Variants in TMEM132B observed in about 807,000 individuals in gnomAD.
The protein encoded by TMEM132B is transmembrane protein 132B.
TMEM132B carries 18 observed loss-of-function variants against 90.8 expected under a neutral mutation model. That is an observed-to-expected ratio of 0.20 (90% CI 0.14 to 0.29). TMEM132B has a LOEUF of 0.29. Among genes scored for constraint, TMEM132B ranks in the 10% least tolerant of loss-of-function variants. The pLI is 1.00. For synonymous variants in TMEM132B, 504 were observed against 523.3 expected, an observed-to-expected ratio of 0.96 and a Z score of 0.50; for missense variants, 1,096 against 1,326.8, an observed-to-expected ratio of 0.83 and a Z score of 2.70.
intron 3 of TMEM132B, among the ~76,000 whole-genome samples, chr12:125,453,448 T>G (rs529812628): frequency 6.6e-6 from 1 of 152,348 alleles, no homozygotes; most frequent in South Asian, 2.1e-4. Context: ...AGCAAGAGCA[T>G]TAATGTACAA....
intron 1 of TMEM132B, among the ~76,000 whole-genome samples, chr12:125,294,445 A>T (rs140082593): frequency 2.2e-4 from 34 of 152,370 alleles, no homozygotes; most frequent in African/African-American, 8.2e-4. Flanking sequence ...AACATTATGC[A>T]TGGAGATGTT....
chr12:125,366,194 G>A (rs1362726945), intron 2 of TMEM132B, among the ~76,000 whole-genome samples: 7 of 152,050 alleles, frequency 4.6e-5, no homozygotes, highest in Non-Finnish European at 2.9e-5. Flanking sequence ...TGCTGCAAAT[G>A]ACAGGATTTG....
chr12:125,412,998 G>A (rs972889500), intron 2 of TMEM132B, among the ~76,000 whole-genome samples: 15 of 152,088 alleles, frequency 9.9e-5, no homozygotes, highest in African/African-American at 2.2e-4. Context: ...TTTTTGGGGC[G>A]TGCAAGAGCA....
At chr12:125,232,714 T>A (rs1873854560) in intron 1 of TMEM132B, among the ~76,000 whole-genome samples, 1 of 152,230 alleles carries the variant, frequency 6.6e-6, no homozygotes, top group Admixed American at 6.5e-5. Flanking sequence ...GCTCTCATGT[T>A]TTTCCTAAGG....
At chr12:125,353,893 C>T (rs1782445599) in intron 2 of TMEM132B, among the ~76,000 whole-genome samples, 1 of 152,134 alleles carries the variant, frequency 6.6e-6, no homozygotes, top group South Asian at 2.1e-4. Flanking sequence ...AGTAGAAACC[C>T]CTCAGGTATT....
intron 3 of TMEM132B, among the ~76,000 whole-genome samples, chr12:125,505,126 A>G (rs1333824806): frequency 2.0e-5 from 3 of 149,210 alleles, no homozygotes; most frequent in South Asian, 4.3e-4. Context: ...ATTACTTGAC[A>G]TAAGAAGGAA....
chr12:125,215,317 G>C (rs900474360), intron 1 of TMEM132B, among the ~76,000 whole-genome samples: 12 of 152,268 alleles, frequency 7.9e-5, no homozygotes, highest in South Asian at 6.2e-4. Context: ...TCAGAAATGG[G>C]TGTCACCCAG....
At chr12:125,334,558 C>A (rs1876892935) in intron 1 of TMEM132B, among the ~76,000 whole-genome samples, 1 of 152,164 alleles carries the variant, frequency 6.6e-6, no homozygotes, top group African/African-American at 2.4e-5. Flanking sequence ...CTTTTTTCTG[C>A]CTTTGAAGCA....
At chr12:125,238,720 A>T (rs115152756) in intron 1 of TMEM132B, among the ~76,000 whole-genome samples, 1 of 151,644 alleles carries the variant, frequency 6.6e-6, no homozygotes. Flanking sequence ...TTTCACCCAC[A>T]TGGGACGTTT....
chr12:125,425,237 G>A (rs1269287089), intron 3 of TMEM132B, among the ~76,000 whole-genome samples: 2 of 152,150 alleles, frequency 1.3e-5, no homozygotes, highest in Admixed American at 6.5e-5. Context: ...TGTTACCACA[G>A]CATAACATAA....
intron 1 of TMEM132B, among the ~76,000 whole-genome samples, chr12:125,323,797 G>A (rs767473233): frequency 7.2e-5 from 11 of 152,132 alleles, no homozygotes; most frequent in Non-Finnish European, 1.0e-4. Flanking sequence ...AGGATTACAG[G>A]CGTGAGCCAC....
chr12:125,527,752 C>A (rs76782160), intron 4 of TMEM132B, among the ~76,000 whole-genome samples: 8,179 of 152,068 alleles, frequency 0.054, 653 homozygotes, highest in African/African-American at 0.17. Context: ...TTCCATCCAC[C>A]AATCCACCTT....
In TMEM132B at chr12:125,497,759, A is replaced by T. The variant is rs116860878; in HGVS notation, c.1107-21680A>T. On this transcript the variant is annotated intron_variant, in intron 3 of 8. Coordinates refer to ENST00000682704, the MANE Select transcript of TMEM132B (RefSeq NM_001366854.1). ...TGTTATTGATCAAGCTAGGAGTTTG[A>T]CTTTGTCTGAAAAACTCATTTATTG... 3.7e-3 allele frequency among the ~76,000 whole-genome samples: 566 copies of T among 152,228 alleles called. 3 individuals carry two copies. The highest frequency in any genetic ancestry group is 5.4e-3 in the Admixed American group (82 of 15,284).
intron 1 of TMEM132B, among the ~76,000 whole-genome samples, chr12:125,217,915 G>A (rs1873473770): frequency 6.6e-6 from 1 of 152,232 alleles, no homozygotes; most frequent in African/African-American, 2.4e-5. Context: ...TTCGTAAGAG[G>A]AGAGATTTGA....
At chr12:125,200,679 G>A (rs137953957) in intron 1 of TMEM132B, among the ~76,000 whole-genome samples, 4 of 152,216 alleles carry the variant, frequency 2.6e-5, no homozygotes, top group Non-Finnish European at 2.9e-5. Flanking sequence ...GTATGATTGC[G>A]TGATGGCAGA....
rs1214248157 is a variant in TMEM132B, at chr12:125,186,787, C to A, written c.-13C>A. The A allele has an allele frequency of 3.3e-5, 5 of 149,796 alleles. No homozygotes were observed. Among genetic ancestry groups the A allele is most frequent in the Admixed American group, 6.6e-5 (1 of 15,074 alleles). 9.3% of individuals were successfully genotyped at this position (149,796 alleles called of 1,614,324 possible). On this transcript the variant is annotated 5_prime_UTR_variant, in exon 1 of 9. Coordinates refer to ENST00000682704, the MANE Select transcript of TMEM132B (RefSeq NM_001366854.1). The surrounding 1 kb of genome is among the most constrained non-coding windows in gnomAD (Gnocchi z 6.3). ...GAGCAGCCCCGCGCCGCACCCACCG[C>A]GCGCCGAGGACCATGCCGCCCCCGG...
At chr12:125,260,487 G>T (rs1241007433) in intron 1 of TMEM132B, among the ~76,000 whole-genome samples, 2 of 151,650 alleles carry the variant, frequency 1.3e-5, no homozygotes, top group African/African-American at 4.8e-5. Flanking sequence ...AAGTAGCTGG[G>T]ACCATAGGTC....
Position 125,411,612 on chromosome 12 carries a change from G to A in TMEM132B, c.960-3919G>A, listed in dbSNP as rs771855574. On this transcript the variant is annotated intron_variant, in intron 2 of 8. Transcript: ENST00000682704. Reference sequence around the variant, plus strand: ...GGGTTCCCTGCCTCTGGGAAGGAAAGTAAATGGATGGCTGCTAGGATGGGC... The same window carrying A: ...GGGTTCCCTGCCTCTGGGAAGGAAAATAAATGGATGGCTGCTAGGATGGGC... 1.1e-4 allele frequency among the ~76,000 whole-genome samples: 17 copies of A among 152,150 alleles called. 1 individual carries two copies. Among genetic ancestry groups the A allele is most frequent in the Non-Finnish European group, 5.9e-5 (4 of 68,014 alleles).
At chr12:125,189,249 A>G (rs935799465) in intron 1 of TMEM132B, among the ~76,000 whole-genome samples, 15 of 152,178 alleles carry the variant, frequency 9.9e-5, no homozygotes, top group Non-Finnish European at 4.4e-5. Context: ...GGGGGCCCCT[A>G]TTATTCGAGC....
Sources: allele counts gnomAD v4.1 joint callset (sites outside exome capture counted in the v4.1 genomes callset), GRCh38; gene constraint gnomAD v4.1.1; non-coding constraint Gnocchi (gnomAD v3.1); transcripts MANE v1.5; gene names NCBI Gene and HGNC (gene_info 2026-07-23, HGNC 2026-07-21).